The following SHANK2 variants were observed in gnomAD, a reference collection of about 807,000 sequenced individuals.
The protein encoded by SHANK2 is SH3 and multiple ankyrin repeat domains protein 2.
SHANK2 carries 43 observed loss-of-function variants against 133.7 expected under a neutral mutation model. That is an observed-to-expected ratio of 0.32 (90% CI 0.25 to 0.41). The LOEUF (loss-of-function observed/expected upper bound fraction) is 0.41, where lower values mean the gene tolerates loss of function less well. Among genes scored for constraint, SHANK2 ranks in the 10% least tolerant of loss-of-function variants. The pLI is 1.00. For missense variants in SHANK2, 1,994 were observed against 2,235.8 expected, an observed-to-expected ratio of 0.89 and a Z score of 2.18; for synonymous variants, 1,017 against 952.8, an observed-to-expected ratio of 1.07 and a Z score of -1.24.
At chr11:70,706,583 G>A (rs1555024975) in intron 14 of SHANK2, among the ~76,000 whole-genome samples, 1 of 152,014 alleles carries the variant, frequency 6.6e-6, no homozygotes. Flanking sequence ...AGCTCCTTAG[G>A]CTCTTGAACT....
intron 17 of SHANK2, among the ~76,000 whole-genome samples, chr11:70,617,720 C>T: frequency 6.6e-6 from 1 of 152,136 alleles, no homozygotes; most frequent in Non-Finnish European, 1.5e-5. Context: ...ATGACCAAAA[C>T]TCTGAAAAAC....
intron 12 of SHANK2, among the ~76,000 whole-genome samples, chr11:70,812,374 T>C (rs1251666242): frequency 1.3e-5 from 2 of 152,238 alleles, no homozygotes; most frequent in Non-Finnish European, 2.9e-5. Flanking sequence ...CATGTCTTCT[T>C]ATTCACTGTT....
At chr11:71,148,980 C>T (rs1190984449) in intron 2 of SHANK2, among the ~76,000 whole-genome samples, 2 of 129,028 alleles carry the variant, frequency 1.6e-5, no homozygotes, top group South Asian at 2.5e-4. Flanking sequence ...CAGGGTGGGC[C>T]GCGCTGCTTG....
At chr11:71,163,599 G>A (rs1230245986) in intron 2 of SHANK2, among the ~76,000 whole-genome samples, 2 of 152,210 alleles carry the variant, frequency 1.3e-5, no homozygotes, top group Non-Finnish European at 2.9e-5. Flanking sequence ...TAGATAAGGA[G>A]CCTTAGAAGA....
intron 8 of SHANK2, 130 bp downstream of exon 8, chr11:71,092,292 T>A (rs781931551): frequency 2.7e-5 from 25 of 917,032 alleles, no homozygotes; most frequent in Non-Finnish European, 3.7e-5. Flanking sequence ...TTTCAGGAAC[T>A]CTGGGCAGGC....
chr11:71,092,401 T>G, intron 8 of SHANK2, 21 bp downstream of exon 8: 1 of 1,549,886 alleles, frequency 6.5e-7, no homozygotes, highest in Non-Finnish European at 8.7e-7. Context: ...TACAACAGAG[T>G]GGAGAAGCGG....
At chr11:71,237,588 G>A (rs782195213) in intron 1 of SHANK2, among the ~76,000 whole-genome samples, 5 of 152,194 alleles carry the variant, frequency 3.3e-5, no homozygotes, top group Non-Finnish European at 7.3e-5. Context: ...CAAAGCCGAG[G>A]GCTGCAGCGA....
chr11:71,117,438 G>C (rs774386277), intron 4 of SHANK2, among the ~76,000 whole-genome samples: 1 of 152,186 alleles, frequency 6.6e-6, no homozygotes, highest in Non-Finnish European at 1.5e-5. Flanking sequence ...ACTGTCCTCA[G>C]TGATAAGAGT....
At chr11:70,593,359 T>C (rs1554988553) in intron 17 of SHANK2, among the ~76,000 whole-genome samples, 1 of 152,214 alleles carries the variant, frequency 6.6e-6, no homozygotes, top group Non-Finnish European at 1.5e-5. Flanking sequence ...AATCTGAACA[T>C]TCTTGCTGCC....
chr11:70,707,947 C>T (rs1945701037), intron 14 of SHANK2, among the ~76,000 whole-genome samples: 1 of 152,194 alleles, frequency 6.6e-6, no homozygotes, highest in Non-Finnish European at 1.5e-5. Flanking sequence ...ATCATCAGAA[C>T]CTCCCCTGGG....
At chr11:71,208,908 A>G (rs1442638279) in intron 2 of SHANK2, among the ~76,000 whole-genome samples, 2 of 152,190 alleles carry the variant, frequency 1.3e-5, no homozygotes, top group African/African-American at 4.8e-5. Context: ...CAGAAGAAAA[A>G]GAAATTTCAT....
At chr11:70,859,029 A>T (rs1949215107) in intron 11 of SHANK2, among the ~76,000 whole-genome samples, 1 of 152,246 alleles carries the variant, frequency 6.6e-6, no homozygotes, top group Non-Finnish European at 1.5e-5. Flanking sequence ...TAGAGTCATA[A>T]AATGTTTACA....
At chr11:70,842,112 C>T (rs1555061911) in intron 11 of SHANK2, among the ~76,000 whole-genome samples, 1 of 152,186 alleles carries the variant, frequency 6.6e-6, no homozygotes, top group Non-Finnish European at 1.5e-5. Context: ...GTTCAAATCA[C>T]GAACAGAACA....
At position 70,502,924 on chromosome 11, in the gene SHANK2, T is replaced by C. The variant is rs782721171; in HGVS notation, c.2069A>G (p.Asn690Ser). ...GTGGCCGACTTTGACAACATTCTCA[T>C]TGTTAACCTGTGGGAAGGCGGAGAG... ...RTGDFLIEVN[N>S]ENVVKVGHRQ... The change falls in exon 18 of 26, where the codon AAT becomes AGT. Residue 690 changes from asparagine to serine, a missense_variant. Around this residue, in one of 5 missense-constraint regions of SHANK2, gnomAD observed 488 missense variants for 642.6 expected, o/e 0.76. Coordinates refer to ENST00000601538, the MANE Select transcript of SHANK2 (RefSeq NM_012309.5). The C allele has an allele frequency of 1.3e-5, 21 of 1,613,828 alleles. No homozygotes were observed. The South Asian group carries it at 1.5e-4, about 12-fold the overall frequency.
intron 11 of SHANK2, among the ~76,000 whole-genome samples, chr11:70,828,377 G>A (rs1378845327): frequency 8.5e-5 from 13 of 152,138 alleles, no homozygotes; most frequent in Admixed American, 2.0e-4. Context: ...AAACTCTGCC[G>A]GGGTGACATT....
intron 15 of SHANK2, among the ~76,000 whole-genome samples, chr11:70,662,590 G>C (rs1944587838): frequency 6.6e-6 from 1 of 152,222 alleles, no homozygotes; most frequent in Non-Finnish European, 1.5e-5. Flanking sequence ...GCCCCCTCTG[G>C]GGATGATGAA....
intron 17 of SHANK2, among the ~76,000 whole-genome samples, chr11:70,657,434 CA>C (rs782432239): frequency 5.9e-5 from 9 of 152,182 alleles, no homozygotes; most frequent in African/African-American, 1.9e-4. Flanking sequence ...ATTCCGGTGG[CA>C]AAATCCAGTC....
intron 9 of SHANK2, among the ~76,000 whole-genome samples, chr11:71,073,535 T>C (rs1338111472): frequency 1.3e-5 from 2 of 151,962 alleles, no homozygotes; most frequent in African/African-American, 4.8e-5. Context: ...GGCATGATCT[T>C]GGCTTGTTGT....
intron 17 of SHANK2, among the ~76,000 whole-genome samples, chr11:70,540,855 A>AAC (rs2059613269): frequency 6.6e-6 from 1 of 151,464 alleles, no homozygotes; most frequent in Non-Finnish European, 1.5e-5. Context: ...AAAAAAAAAA[A>AAC]AAAAAACTCA....
Sources: allele counts gnomAD v4.1 joint callset (sites outside exome capture counted in the v4.1 genomes callset), GRCh38; gene constraint gnomAD v4.1.1; regional missense constraint gnomAD v4.1.1; transcripts MANE v1.5; gene names NCBI Gene and HGNC (gene_info 2026-07-23, HGNC 2026-07-21).